NRAP: variants seen among roughly 807,000 people sequenced by gnomAD.
The protein encoded by NRAP is nebulin-related-anchoring protein.
In NRAP, 189 loss-of-function variants were observed where a neutral mutation model predicts 225.9. The observed-to-expected ratio is 0.84, with a 90% CI of 0.74 to 0.94. The LOEUF is 0.94. NRAP is among the 40% of genes least tolerant of loss of function. NRAP has a pLI of 0.00. For synonymous variants in NRAP, 769 were observed against 790.7 expected, an observed-to-expected ratio of 0.97 and a Z score of 0.46; for missense variants, 2,176 against 2,168.7, an observed-to-expected ratio of 1.00 and a Z score of -0.07.
intron 23 of NRAP, among the ~76,000 whole-genome samples, chr10:113,622,729 A>G (rs947351218): frequency 6.6e-6 from 1 of 152,220 alleles, no homozygotes; most frequent in Non-Finnish European, 1.5e-5. Flanking sequence ...AACAGTATCA[A>G]TATCTGCCAC....
At chr10:113,642,902 G>A (rs769525071) in intron 12 of NRAP, 32 bp downstream of exon 12, 52 of 1,125,328 alleles carry the variant, frequency 4.6e-5, no homozygotes, top group Admixed American at 8.4e-5. Flanking sequence ...CACCAACAGT[G>A]CCCAAACAAA....
Position 113,615,777 on chromosome 10 carries a change from A to C in NRAP, c.3013T>G (p.Tyr1005Asp). ...TCAGGGAGGTCAGCAGTCGGTGTGT[A>C]ATGATGCTTTATGTTTTCTCCTTGT... is the stretch of plus-strand genomic sequence containing the variant. ...REQGENIKHH[Y>D]TPTADLPEVL... The change falls in exon 27 of 42, where the codon TAC becomes GAC. Residue 1005 changes from tyrosine (Y) to aspartate (D), a missense_variant. Physicochemically the swap from Tyr to Asp is radical, Grantham distance 160. Coordinates refer to ENST00000359988, the MANE Select transcript of NRAP (RefSeq NM_198060.4). 1 of 1,610,330 alleles carries C rather than the reference A, an allele frequency of 6.2e-7. No individual in the cohort carries two copies. The highest frequency in any genetic ancestry group is 1.3e-5 in the African/African-American group (1 of 74,966).
chr10:113,605,560 T>C (rs1846907496), intron 34 of NRAP, among the ~76,000 whole-genome samples: 1 of 152,242 alleles, frequency 6.6e-6, no homozygotes, highest in Admixed American at 6.5e-5. Context: ...TAGAGACCTT[T>C]GCCTGAATTT....
rs764668009 is a variant in NRAP, at chr10:113,650,144, G to A, written c.784-3C>T. ...TGATATTGTTGATGGTACCTCACCTGTTTTAAGGCAAAGGACAAACTCGGT... is the reference window on the plus strand; with the variant it reads ...TGATATTGTTGATGGTACCTCACCTATTTTAAGGCAAAGGACAAACTCGGT... On this transcript the variant is annotated splice_region_variant and splice_polypyrimidine_tract_variant and intron_variant, in intron 8 of 41. Coordinates refer to ENST00000359988, the MANE Select transcript of NRAP (RefSeq NM_198060.4). 1.9e-6 allele frequency: 3 copies of A among 1,588,764 alleles called. No homozygotes were observed. Among genetic ancestry groups the A allele is most frequent in the South Asian group, 1.1e-5 (1 of 90,576 alleles).
At chr10:113,594,475 C>A (rs1846172607) in intron 38 of NRAP, among the ~76,000 whole-genome samples, 1 of 152,204 alleles carries the variant, frequency 6.6e-6, no homozygotes, top group African/African-American at 2.4e-5. Context: ...CTTTATCCCA[C>A]TTTCTACAGC....
intron 28 of NRAP, 55 bp from the exon 29 acceptor site, chr10:113,614,351 T>C: frequency 8.4e-7 from 1 of 1,191,674 alleles, no homozygotes; most frequent in Non-Finnish European, 1.3e-6. Flanking sequence ...GGACACAGAA[T>C]GGAAGAGGTG....
intron 12 of NRAP, 40 bp from the exon 13 acceptor site, chr10:113,641,512 T>C: frequency 8.2e-7 from 1 of 1,217,594 alleles, no homozygotes; most frequent in Non-Finnish European, 1.2e-6. Flanking sequence ...AGCATTCCCT[T>C]CACAAGTAGT....
At chr10:113,641,995 C>T (rs1381311485) in intron 12 of NRAP, among the ~76,000 whole-genome samples, 2 of 152,028 alleles carry the variant, frequency 1.3e-5, no homozygotes, top group Non-Finnish European at 2.9e-5. Flanking sequence ...GTGTCAAATG[C>T]CACTTATCAA....
At position 113,612,273 on chromosome 10, in the gene NRAP, C is replaced by T; in HGVS notation, c.3459G>A (p.Arg1153=). ...TGTGAGCTTTCTTGGCACAGCTCAGCCTCAGGTCTTCTGCCAAGGAAGTGT... is the reference window on the plus strand; with the variant it reads ...TGTGAGCTTTCTTGGCACAGCTCAGTCTCAGGTCTTCTGCCAAGGAAGTGT... ...PQYTSLAEDL[R]LSCAKKAHKL... is the part of the protein sequence containing the mutation. Residue 1153 remains arginine, a synonymous_variant, in exon 30 of 42, where the codon AGG becomes AGA. Transcript: ENST00000359988. 2 of 1,614,180 alleles carry T rather than the reference C, an allele frequency of 1.2e-6. No individual in the cohort carries two copies. Among genetic ancestry groups the T allele is most frequent in the Non-Finnish European group, 1.7e-6 (2 of 1,180,024 alleles).
Position 113,620,718 on chromosome 10 carries a change from GAGAA to G in NRAP, c.2770-14_2770-11del. ...CTGCCCTGTATTGGTTCTGACAAAGGAGAAAGAAAAAAAAAAAAAGCAGGCCATT... is the reference window on the plus strand; with the variant it reads ...CTGCCCTGTATTGGTTCTGACAAAGGAGAAAAAAAAAAAAAGCAGGCCATT... On this transcript the variant is annotated splice_polypyrimidine_tract_variant and intron_variant, in intron 24 of 41. Coordinates refer to ENST00000359988, the MANE Select transcript of NRAP (RefSeq NM_198060.4). 6.4e-7 allele frequency: 1 copy of G among 1,555,268 alleles called. No individual in the cohort carries two copies. Among genetic ancestry groups the G allele is most frequent in the Non-Finnish European group, 8.8e-7 (1 of 1,142,318 alleles).
rs753418445 is a variant in NRAP at position 113,592,219 on chromosome 10, C to T, written c.4619G>A (p.Arg1540Gln). 2.0e-5 allele frequency: 32 copies of T among 1,610,008 alleles called. 1 individual carries two copies. In the East Asian group the frequency reaches 4.3e-4, roughly 21 times the overall value. ...ATCACTGGCGATCTCCCTAGATGCC[C>T]GGGCAGTCTGGAAGGGGATGGCATC... ...RLDAIPFQTA[R>Q]ASREIASDFR... Residue 1540 changes from arginine to glutamine, a missense_variant, in exon 39 of 42, where the codon CGG (arginine) becomes CAG (glutamine). Arg to Gln is a conservative substitution (Grantham distance 43). This residue lies in a region of NRAP where 445 missense variants were observed against 426.1 expected (regional missense o/e 1.04). Coordinates refer to ENST00000359988, the MANE Select transcript of NRAP (RefSeq NM_198060.4).
intron 18 of NRAP, among the ~76,000 whole-genome samples, chr10:113,631,235 C>G (rs1848557378): frequency 6.6e-6 from 1 of 152,138 alleles, no homozygotes. Flanking sequence ...ACTTGGCAAA[C>G]ATTTGTGACA....
At chr10:113,609,111 G>A (rs1847176073) in intron 31 of NRAP, among the ~76,000 whole-genome samples, 1 of 152,212 alleles carries the variant, frequency 6.6e-6, no homozygotes, top group East Asian at 1.9e-4. Flanking sequence ...AGTGGGCTGA[G>A]ATCGCACCAT....
At chr10:113,614,052 A>G (rs1592764826) in intron 29 of NRAP, 131 bp downstream of exon 29, 3 of 684,574 alleles carry the variant, frequency 4.4e-6, no homozygotes, top group East Asian at 2.6e-5. Context: ...AAGTGATTTA[A>G]CAATGTCACG....
chr10:113,651,297 C>G (rs905679819), intron 7 of NRAP, among the ~76,000 whole-genome samples: 1 of 152,202 alleles, frequency 6.6e-6, no homozygotes, highest in African/African-American at 2.4e-5. Context: ...GTGCAAACCA[C>G]TACATCTTGG....
At position 113,612,806 on chromosome 10, in the gene NRAP, G is replaced by A. The variant is rs58453844; in HGVS notation, c.3301-375C>T. The stretch of plus-strand genomic sequence containing the variant: ...CCTGCCCACCATATTTTTTCCCATC[G>A]CCCACTCAAGTTCAGACACGAGGGA... On this transcript the variant is annotated intron_variant, in intron 29 of 41. Coordinates refer to ENST00000359988, the MANE Select transcript of NRAP (RefSeq NM_198060.4). Among the ~76,000 whole-genome samples, 1,336 of 152,126 alleles carry A rather than the reference G, an allele frequency of 8.8e-3. 28 individuals are homozygous for A. The highest frequency in any genetic ancestry group is 0.031 in the African/African-American group (1,274 of 41,488).
chr10:113,610,278 A>G (rs1847245304), intron 31 of NRAP, among the ~76,000 whole-genome samples, 181 bp downstream of exon 31: 1 of 150,506 alleles, frequency 6.6e-6, no homozygotes, highest in Non-Finnish European at 1.5e-5. Context: ...TGAACCCAGG[A>G]GACGGAGGTT....
intron 35 of NRAP, among the ~76,000 whole-genome samples, chr10:113,598,683 T>C (rs184702355): frequency 1.3e-5 from 2 of 152,322 alleles, no homozygotes; most frequent in East Asian, 1.9e-4. Flanking sequence ...AAGTCAATTA[T>C]AGCATGACTT....
chr10:113,650,449 G>A lies in NRAP; in HGVS notation c.772C>T (p.Leu258=), dbSNP rs1416217060. Residue 258 remains leucine, a synonymous_variant, in exon 8 of 42, where the codon CTG becomes TTG. Transcript: ENST00000359988. ...AYQIAKRANE[L]ASDVRYHQQY... ...TCAAGGACACTTACATCACTTGCCAGCTCATTGGCTCTTTTGGCTATCTGA... is the reference window on the plus strand; with the variant it reads ...TCAAGGACACTTACATCACTTGCCAACTCATTGGCTCTTTTGGCTATCTGA... 1 of 1,611,290 alleles carries A rather than the reference G, an allele frequency of 6.2e-7. No individual in the cohort carries two copies. Among genetic ancestry groups the A allele is most frequent in the Non-Finnish European group, 8.5e-7 (1 of 1,177,412 alleles).
Sources: gnomAD v4.1 joint callset for allele counts (sites outside exome capture counted in the v4.1 genomes callset) on GRCh38, gnomAD v4.1.1 for gene constraint, gnomAD v4.1.1 regional missense constraint, MANE v1.5 for transcripts, NCBI Gene and HGNC (gene_info 2026-07-23, HGNC 2026-07-21) for gene names.